The following DNAJC18 variants were observed in gnomAD, a reference collection of about 807,000 sequenced individuals.
The protein encoded by DNAJC18 is DnaJ heat shock protein family (Hsp40) member C18.
In DNAJC18, 40 loss-of-function variants were observed where a neutral mutation model predicts 48.6. That is an observed-to-expected ratio of 0.82 (90% CI 0.64 to 1.07). The LOEUF (loss-of-function observed/expected upper bound fraction) is 1.07, where lower values mean the gene tolerates loss of function less well. Ranked by LOEUF, DNAJC18 falls within the 50% of genes least tolerant of loss-of-function variation. The pLI, the probability that DNAJC18 is intolerant of heterozygous loss-of-function variation, is 0.00. For synonymous variants in DNAJC18, 135 were observed against 152.2 expected (o/e 0.89, Z 0.83); for missense variants, 340 against 427.7 (o/e 0.79, Z 1.81).
At chr5:139,435,580 T>C (rs1348199959) in intron 2 of DNAJC18, among the ~76,000 whole-genome samples, 1 of 152,144 alleles carries the variant, frequency 6.6e-6, no homozygotes, top group East Asian at 1.9e-4. Context: ...TTAAAATCTA[T>C]ATCCATAAGG....
At chr5:139,419,994 G>A (rs1185809742) in intron 7 of DNAJC18, 59 bp downstream of exon 7, 9 of 1,452,086 alleles carry the variant, frequency 6.2e-6, no homozygotes, top group African/African-American at 2.9e-5. Context: ...CAGGAGGCTG[G>A]GGGTGCCTCC....
intron 3 of DNAJC18, 67 bp from the exon 4 acceptor site, chr5:139,426,424 C>T: frequency 1.3e-6 from 2 of 1,565,450 alleles, no homozygotes; most frequent in South Asian, 2.4e-5. Context: ...ATCACAGCAG[C>T]AGTGACAAAG....
chr5:139,423,446 G>GTGAC (rs1450222486), intron 5 of DNAJC18, among the ~76,000 whole-genome samples: 14 of 149,686 alleles, frequency 9.4e-5, no homozygotes, highest in African/African-American at 3.5e-4. Context: ...CTAGAGTACA[G>GTGAC]TGACACAAAC....
intron 2 of DNAJC18, among the ~76,000 whole-genome samples, chr5:139,429,995 A>G (rs1014634113): frequency 3.9e-5 from 6 of 152,222 alleles, no homozygotes; most frequent in African/African-American, 1.4e-4. Flanking sequence ...GAAGTATAGA[A>G]TAATAGTTTA....
chr5:139,418,940 C>T, intron 7 of DNAJC18: 1 of 442,584 alleles, frequency 2.3e-6, no homozygotes, highest in Non-Finnish European at 4.6e-6. Flanking sequence ...GTGATTGGTA[C>T]TATGTTAGCA....
At chr5:139,414,480 A>G (rs1006860460) in intron 7 of DNAJC18, among the ~76,000 whole-genome samples, 7 of 152,262 alleles carry the variant, frequency 4.6e-5, no homozygotes, top group Non-Finnish European at 5.9e-5. Context: ...CCTGCAGTCC[A>G]ACAGTATCTG....
chr5:139,434,238 A>G (rs1052386059), intron 2 of DNAJC18, among the ~76,000 whole-genome samples: 1 of 152,204 alleles, frequency 6.6e-6, no homozygotes, highest in African/African-American at 2.4e-5. Context: ...TTTAAAATTG[A>G]CATATAAAAA....
intron 2 of DNAJC18, among the ~76,000 whole-genome samples, chr5:139,432,475 T>G (rs1413445723): frequency 1.3e-5 from 2 of 151,602 alleles, no homozygotes; most frequent in Admixed American, 6.6e-5. Context: ...AGAACTTTAT[T>G]TTTTTTTAGA....
chr5:139,411,951 T>C lies in DNAJC18; in HGVS notation c.*2197A>G, dbSNP rs1484614505. On this transcript the variant is annotated 3_prime_UTR_variant, in exon 8 of 8. Transcript: ENST00000302060. The stretch of plus-strand genomic sequence containing the variant: ...AGAACTTTCCATAAGCCTGTTTGGC[T>C]CATGGACATATTTTACAATGTAACC... 1 of 152,162 alleles carries C rather than the reference T, an allele frequency of 6.6e-6. No individual in the cohort carries two copies. The highest frequency in any genetic ancestry group is 1.5e-5 in the Non-Finnish European group (1 of 68,024). The allele number at this position is 152,162 out of a possible 1,614,324, so 9.4% of individuals were successfully genotyped here.
At chr5:139,419,622 T>C (rs1377664034) in intron 7 of DNAJC18, among the ~76,000 whole-genome samples, 1 of 151,822 alleles carries the variant, frequency 6.6e-6, no homozygotes, top group African/African-American at 2.4e-5. Context: ...CAGACGTGTG[T>C]GCTGCAGAAA....
chr5:139,420,035 C>T lies in DNAJC18; in HGVS notation c.952+18G>A. 1 of 1,542,522 alleles carries T rather than the reference C, an allele frequency of 6.5e-7. No homozygotes were observed. The highest frequency in any genetic ancestry group is 1.3e-5 in the South Asian group (1 of 78,142). ...GGAACCACAGCCACCAGCTAATGCC[C>T]CTTTTACAGTATCTTACTTTGTTGT... On this transcript the variant is annotated intron_variant, in intron 7 of 7. Coordinates refer to ENST00000302060, the MANE Select transcript of DNAJC18 (RefSeq NM_152686.4).
Position 139,437,430 on chromosome 5 carries a change from T to A in DNAJC18, c.169A>T (p.Thr57Ser). Residue 57 changes from threonine (T) to serine (S), a missense_variant, in exon 2 of 8, where the codon ACC (threonine) becomes TCC (serine). By Grantham distance (58) the Thr-to-Ser change is moderately conservative. Transcript: ENST00000302060. ...GTGGAGTTCCCCTCACCCTGCCGGG[T>A]CTGAGTCCACTCATTCTCAGACTTC... is the stretch of plus-strand genomic sequence containing the variant. The part of the protein sequence containing the change: ...EKKSENEWTQ[T>S]RQGEGNSTYS... 1 of 1,614,124 alleles carries A rather than the reference T, an allele frequency of 6.2e-7. No homozygotes were observed. Among genetic ancestry groups the A allele is most frequent in the Non-Finnish European group, 8.5e-7 (1 of 1,180,012 alleles).
At chr5:139,429,041 T>C (rs1001503892) in intron 2 of DNAJC18, among the ~76,000 whole-genome samples, 2 of 151,694 alleles carry the variant, frequency 1.3e-5, no homozygotes, top group African/African-American at 2.4e-5. Flanking sequence ...ATTTTTTCTC[T>C]CTTTTTCCTA....
rs2152081977 is a variant in DNAJC18, at chr5:139,413,771, G to A, written c.*377C>T. 5.9e-6 allele frequency: 1 copy of A among 170,396 alleles called. No homozygotes were observed. Among genetic ancestry groups the A allele is most frequent in the Middle Eastern group, 2.5e-3 (1 of 400 alleles). The allele number at this position is 170,396 out of a possible 1,614,324, so 10.6% of individuals were successfully genotyped here. On this transcript the variant is annotated 3_prime_UTR_variant, in exon 8 of 8. Coordinates refer to ENST00000302060, the MANE Select transcript of DNAJC18 (RefSeq NM_152686.4). ...GTGTAAATAACTAATATTAAGCTTT[G>A]GCTAAGCCTAGGAATGCCTGGTTCT...
intron 5 of DNAJC18, among the ~76,000 whole-genome samples, chr5:139,424,717 C>CAGAAAAAAAA (rs1759207258): frequency 4.3e-5 from 1 of 23,100 alleles, no homozygotes; most frequent in Non-Finnish European, 6.6e-5. Flanking sequence ...GACCCTCTCT[C>CAGAAAAAAAA]AAAAAAAAAA....
rs1249640948 is a variant in DNAJC18 at position 139,437,415 on chromosome 5, C to T, written c.184G>A (p.Gly62Arg). ...NEWTQTRQGE[G>R]NSTYSEEQLL... ...TGTTCCTCACTATACGTGGAGTTCC[C>T]CTCACCCTGCCGGGTCTGAGTCCAC... Residue 62 changes from glycine (G) to arginine (R), a missense_variant, in exon 2 of 8, where the codon GGG becomes AGG. Physicochemically the swap from Gly to Arg is moderately radical, Grantham distance 125. Coordinates refer to ENST00000302060, the MANE Select transcript of DNAJC18 (RefSeq NM_152686.4). The T allele has an allele frequency of 1.9e-6, 3 of 1,613,996 alleles. No individual in the cohort carries two copies. Among genetic ancestry groups the T allele is most frequent in the Admixed American group, 1.7e-5 (1 of 59,998 alleles).
intron 6 of DNAJC18, among the ~76,000 whole-genome samples, chr5:139,420,743 T>C (rs1214546337): frequency 6.6e-6 from 1 of 151,892 alleles, no homozygotes; most frequent in Non-Finnish European, 1.5e-5. Context: ...AAGATTTCAA[T>C]GATGCTTTAG....
chr5:139,425,428 T>C (rs1759220939), intron 4 of DNAJC18, among the ~76,000 whole-genome samples: 1 of 152,218 alleles, frequency 6.6e-6, no homozygotes, highest in African/African-American at 2.4e-5. Flanking sequence ...CCTCCCAAAG[T>C]GTTGGGATTA....
chr5:139,418,439 G>A (rs1759100922), intron 7 of DNAJC18, among the ~76,000 whole-genome samples: 2 of 152,206 alleles, frequency 1.3e-5, no homozygotes, highest in Non-Finnish European at 2.9e-5. Context: ...ACCATGCCTG[G>A]CCTATATACT....
Sources: allele counts gnomAD v4.1 joint callset (sites outside exome capture counted in the v4.1 genomes callset), GRCh38; gene constraint gnomAD v4.1.1; transcripts MANE v1.5; gene names NCBI Gene and HGNC (gene_info 2026-07-23, HGNC 2026-07-21).